The following ASH1L variants were observed in gnomAD, a reference collection of about 807,000 sequenced individuals.
The protein encoded by ASH1L is histone-lysine N-methyltransferase ASH1L.
A neutral mutation model predicts 269.0 loss-of-function variants in ASH1L; 23 were observed. The ratio of observed to expected loss-of-function variants is 0.09; its 90% CI spans 0.06 to 0.12. ASH1L has a LOEUF of 0.12. Among genes scored for constraint, ASH1L ranks in the 10% least tolerant of loss-of-function variants. The probability of loss-of-function intolerance (pLI) is 1.00; values close to 1 mark genes in which losing one functional copy is unlikely to be tolerated. For synonymous variants in ASH1L, 1,187 were observed against 1,253.5 expected (o/e 0.95, Z 1.12); for missense variants, 2,912 against 3,567.8 (o/e 0.82, Z 4.68).
In ASH1L at chr1:155,481,412, T is replaced by C. The variant is rs751809347; in HGVS notation, c.1458A>G (p.Glu486=). 35 of 1,613,908 alleles carry C rather than the reference T, an allele frequency of 2.2e-5. No homozygotes were observed. Among genetic ancestry groups the C allele is most frequent in the Non-Finnish European group, 2.8e-5 (33 of 1,179,980 alleles). The change falls in exon 3 of 28, where the codon GAA becomes GAG. Residue 486 remains glutamate, a synonymous_variant. Coordinates refer to ENST00000392403, the MANE Select transcript of ASH1L (RefSeq NM_018489.3). ...SILEKFSVRK[E]IINLEKEMFN... The stretch of plus-strand genomic sequence containing the variant: ...ACATTTCTTTCTCCAAATTAATGAT[T>C]TCTTTTCGTACTGAGAACTTTTCCA...
chr1:155,493,962 C>G (rs1450876240), intron 2 of ASH1L, among the ~76,000 whole-genome samples: 1 of 151,888 alleles, frequency 6.6e-6, no homozygotes, highest in Non-Finnish European at 1.5e-5. Context: ...AAAAAAAAAT[C>G]CAAAAACATC....
At position 155,402,881 on chromosome 1, in the gene ASH1L, T is replaced by TTC. The variant is rs1553252216; in HGVS notation, c.6009-7329_6009-7328insGA. ...GTTATACTTTTTTTTTTTTTTTTTTTCAGCATAAAAAGACATTGAAGGCCG... is the reference window on the plus strand; with the variant it reads ...GTTATACTTTTTTTTTTTTTTTTTTTTCCAGCATAAAAAGACATTGAAGGCCG... On this transcript the variant is annotated intron_variant, in intron 6 of 27. Transcript: ENST00000392403. 3.0e-3 allele frequency among the ~76,000 whole-genome samples: 433 copies of TTC among 146,486 alleles called. 3 individuals are homozygous for TTC. Among genetic ancestry groups the TTC allele is most frequent in the African/African-American group, 0.01 (409 of 40,014 alleles).
rs145812793 is a variant in ASH1L, at chr1:155,490,857, G to A, written c.421-8408C>T. 8.7e-4 allele frequency among the ~76,000 whole-genome samples: 132 copies of A among 151,530 alleles called. No homozygotes were observed. In the Middle Eastern group the frequency reaches 0.02, roughly 23 times the overall value. The stretch of plus-strand genomic sequence containing the variant: ...GCATGCCTGTAGTTTCAGGTACATG[G>A]GAGGCTGAAGTGGAGAATGGCTTGA... On this transcript the variant is annotated intron_variant, in intron 2 of 27. Coordinates refer to ENST00000392403, the MANE Select transcript of ASH1L (RefSeq NM_018489.3).
At chr1:155,533,576 T>C (rs1313240222) in intron 1 of ASH1L, among the ~76,000 whole-genome samples, 1 of 151,280 alleles carries the variant, frequency 6.6e-6, no homozygotes, top group African/African-American at 2.4e-5. Flanking sequence ...TGGCCAGGCG[T>C]GGTGGTGTGC....
At chr1:155,441,349 A>T (rs1426859922) in intron 4 of ASH1L, among the ~76,000 whole-genome samples, 1 of 151,578 alleles carries the variant, frequency 6.6e-6, no homozygotes, top group East Asian at 1.9e-4. Context: ...CAAGCTTCCA[A>T]GCTGCAAGGA....
intron 5 of ASH1L, among the ~76,000 whole-genome samples, chr1:155,418,055 G>A (rs1026180082): frequency 6.6e-6 from 1 of 151,232 alleles, no homozygotes; most frequent in Non-Finnish European, 1.5e-5. Flanking sequence ...AAATAAAATT[G>A]AATATTTGTA....
intron 2 of ASH1L, among the ~76,000 whole-genome samples, chr1:155,491,504 A>G (rs1294873147): frequency 5.3e-5 from 8 of 152,328 alleles, no homozygotes; most frequent in Non-Finnish European, 8.8e-5. Context: ...TCCTCATTTA[A>G]AAGATTAAAG....
In ASH1L at chr1:155,336,356, T is replaced by TACAC. The variant is rs1295107969; in HGVS notation, c.*1303_*1304insGTGT. 1 of 5,288 alleles carries TACAC rather than the reference T, an allele frequency of 1.9e-4. No homozygotes were observed. Among genetic ancestry groups the TACAC allele is most frequent in the East Asian group, 3.5e-3 (1 of 286 alleles). 0.3% of individuals were successfully genotyped at this position (5,288 alleles called of 1,614,324 possible). On this transcript the variant is annotated 3_prime_UTR_variant, in exon 28 of 28. Coordinates refer to ENST00000392403, the MANE Select transcript of ASH1L (RefSeq NM_018489.3). ...GCAGGTGTGTGTGTGTGTGTGTATA[T>TACAC]ATATACACACACACATATATATATA...
At chr1:155,453,592 G>C (rs1021892301) in intron 4 of ASH1L, among the ~76,000 whole-genome samples, 2 of 152,094 alleles carry the variant, frequency 1.3e-5, no homozygotes, top group African/African-American at 4.8e-5. Flanking sequence ...CTGAGGTCAG[G>C]AGTTCAAAAC....
At chr1:155,370,335 G>A in intron 12 of ASH1L, 169 bp downstream of exon 12, 1 of 753,612 alleles carries the variant, frequency 1.3e-6, no homozygotes, top group East Asian at 2.5e-5. Context: ...CTGGGAGTGA[G>A]AAGTTAGGGT....
At chr1:155,437,934 A>G (rs1187733432) in intron 5 of ASH1L, among the ~76,000 whole-genome samples, 3 of 152,126 alleles carry the variant, frequency 2.0e-5, no homozygotes, top group Non-Finnish European at 4.4e-5. Context: ...GGCTCACTGC[A>G]GCCTCCTGGA....
chr1:155,498,711 G>T (rs1048683943), intron 2 of ASH1L, among the ~76,000 whole-genome samples: 1 of 151,918 alleles, frequency 6.6e-6, no homozygotes, highest in Admixed American at 6.6e-5. Flanking sequence ...AAAGTGCTGG[G>T]ATTACAGGCA....
intron 7 of ASH1L, among the ~76,000 whole-genome samples, chr1:155,385,657 A>C (rs1455617428): frequency 6.6e-6 from 1 of 152,164 alleles, no homozygotes; most frequent in Non-Finnish European, 1.5e-5. Context: ...TTGGCAAATA[A>C]CATATGATTT....
In ASH1L at chr1:155,352,794, T is replaced by C; in HGVS notation, c.7278A>G (p.Ala2426=). 5 of 1,614,184 alleles carry C rather than the reference T, an allele frequency of 3.1e-6. No individual in the cohort carries two copies. The highest frequency in any genetic ancestry group is 4.2e-6 in the Non-Finnish European group (5 of 1,180,026). ...TARSVRTRRL[A]AAEENIEVAR... ...CCACTTCAATATTTTCCTCTGCAGCTGCCAACCGTCTTGTTCGAACAGATC... is the reference window on the plus strand; with the variant it reads ...CCACTTCAATATTTTCCTCTGCAGCCGCCAACCGTCTTGTTCGAACAGATC... Residue 2426 remains alanine, a synonymous_variant, in exon 17 of 28, where the codon GCA becomes GCG. Coordinates refer to ENST00000392403, the MANE Select transcript of ASH1L (RefSeq NM_018489.3).
intron 2 of ASH1L, among the ~76,000 whole-genome samples, chr1:155,514,894 C>A (rs1362122569): frequency 6.6e-6 from 1 of 152,088 alleles, no homozygotes; most frequent in Non-Finnish European, 1.5e-5. Context: ...GCATTTTACA[C>A]ACCAACAAGG....
chr1:155,346,715 G>A (rs1653366658), intron 20 of ASH1L, among the ~76,000 whole-genome samples: 1 of 152,108 alleles, frequency 6.6e-6, no homozygotes, highest in Admixed American at 6.6e-5. Flanking sequence ...ATGGGGAGAT[G>A]GACAGAGAAT....
intron 10 of ASH1L, among the ~76,000 whole-genome samples, chr1:155,373,730 T>A (rs536252464): frequency 6.6e-6 from 1 of 152,056 alleles, no homozygotes; most frequent in Non-Finnish European, 1.5e-5. Flanking sequence ...TGCAGTGGCA[T>A]GATCTTGGCT....
intron 3 of ASH1L, among the ~76,000 whole-genome samples, chr1:155,469,937 G>A (rs1451428512): frequency 6.6e-6 from 1 of 152,044 alleles, no homozygotes; most frequent in African/African-American, 2.4e-5. Context: ...TTTATGATCT[G>A]CCTATCTTTC....
In ASH1L at chr1:155,339,331, C is replaced by T. The variant is rs1652576530; in HGVS notation, c.8498G>A (p.Gly2833Glu). ...YVPDNYKRNG[G>E]RSSWKSERSK... The stretch of plus-strand genomic sequence containing the variant: ...CATATCCCCCCATGGGACTTACCGT[C>T]CTCCATTCCTCTTGTAGTTGTCTGG... The change falls in exon 26 of 28, where the codon GGA (glycine) becomes GAA (glutamate). Residue 2833 changes from glycine to glutamate, a missense_variant. By Grantham distance (98) the Gly-to-Glu change is moderately conservative (BLOSUM62 -2). Transcript: ENST00000392403. The T allele has an allele frequency of 5.6e-6, 9 of 1,613,496 alleles. No homozygotes were observed. Among genetic ancestry groups the T allele is most frequent in the African/African-American group, 1.3e-5 (1 of 74,922 alleles).
Sources: allele counts gnomAD v4.1 joint callset (sites outside exome capture counted in the v4.1 genomes callset), GRCh38; gene constraint gnomAD v4.1.1; transcripts MANE v1.5; gene names NCBI Gene and HGNC (gene_info 2026-07-23, HGNC 2026-07-21).